The following SYT7 variants were observed in gnomAD, a reference collection of about 807,000 sequenced individuals.
The protein encoded by SYT7 is synaptotagmin 7, also known as synaptotagmin-7.
SYT7 carries 29 observed loss-of-function variants against 75.1 expected under a neutral mutation model. That is an observed-to-expected ratio of 0.39 (90% CI 0.29 to 0.53). SYT7 has a LOEUF of 0.53. Ranked by LOEUF, SYT7 falls within the 20% of genes least tolerant of loss-of-function variation. The pLI is 0.77. For synonymous variants in SYT7, 376 were observed against 401.7 expected (o/e 0.94, Z 0.76); for missense variants, 693 against 953.2 (o/e 0.73, Z 3.59).
intron 1 of SYT7, among the ~76,000 whole-genome samples, chr11:61,562,023 C>A (rs1464042272): frequency 2.6e-5 from 4 of 151,272 alleles, no homozygotes; most frequent in Admixed American, 1.3e-4. Flanking sequence ...CGCGCATGCA[C>A]ACACACATGC....
At chr11:61,563,402 A>G (rs1471003166) in intron 1 of SYT7, among the ~76,000 whole-genome samples, 1 of 152,212 alleles carries the variant, frequency 6.6e-6, no homozygotes, top group Non-Finnish European at 1.5e-5. Context: ...ATCAAATAAT[A>G]GCTAACATTA....
At chr11:61,570,237 G>A (rs2063885901) in intron 1 of SYT7, among the ~76,000 whole-genome samples, 1 of 152,202 alleles carries the variant, frequency 6.6e-6, no homozygotes, top group Non-Finnish European at 1.5e-5. Flanking sequence ...GCAACAACAG[G>A]AGACAAAGAC....
intron 7 of SYT7, among the ~76,000 whole-genome samples, chr11:61,535,783 T>C (rs1216419519): frequency 6.6e-6 from 1 of 152,054 alleles, no homozygotes; most frequent in Admixed American, 6.5e-5. Flanking sequence ...TCCTCCCCGG[T>C]GACAGCCAAG....
At chr11:61,568,452 G>C (rs895901848) in intron 1 of SYT7, among the ~76,000 whole-genome samples, 2 of 152,222 alleles carry the variant, frequency 1.3e-5, no homozygotes, top group African/African-American at 4.8e-5. Context: ...ACTGTGCTAA[G>C]AGCTGTGCAA....
chr11:61,575,251 C>T (rs2064039383), intron 1 of SYT7, among the ~76,000 whole-genome samples: 1 of 152,162 alleles, frequency 6.6e-6, no homozygotes, highest in African/African-American at 2.4e-5. Context: ...AGCCACCAGC[C>T]TTCTGCACTC....
intron 12 of SYT7, among the ~76,000 whole-genome samples, chr11:61,520,403 G>A (rs1368229182): frequency 6.6e-6 from 1 of 152,026 alleles, no homozygotes; most frequent in Non-Finnish European, 1.5e-5. Context: ...GTACGTGCCT[G>A]GAGTCCCAGC....
chr11:61,547,033 G>T, intron 4 of SYT7, 144 bp downstream of exon 4: 1 of 1,076,396 alleles, frequency 9.3e-7, no homozygotes, highest in Non-Finnish European at 1.3e-6. Flanking sequence ...CCTGCCCATG[G>T]GGTGGATGGG....
rs1020295480 is a variant in SYT7, at chr11:61,576,417, C to T, written c.31+4373G>A. 6.6e-6 allele frequency among the ~76,000 whole-genome samples: 1 copy of T among 152,226 alleles called. No homozygotes were observed. Among genetic ancestry groups the T allele is most frequent in the Non-Finnish European group, 1.5e-5 (1 of 68,034 alleles). On this transcript the variant is annotated intron_variant, in intron 1 of 12. Coordinates refer to ENST00000539008, the MANE Select transcript of SYT7 (RefSeq NM_001365809.2). This position sits in a 1 kb window ranked among gnomAD's most constrained non-coding sequence, Gnocchi z 4.1. ...CGAGAGAAAGTTGACCTCTCGGCCA[C>T]ATATGCCACCTGCCGGGCACTGTCT...
At chr11:61,541,118 G>C (rs1398918133) in intron 6 of SYT7, 2 of 985,418 alleles carry the variant, frequency 2.0e-6, no homozygotes, top group East Asian at 1.1e-4. Flanking sequence ...AGCCCTGGCT[G>C]AGGTCTCAGA....
chr11:61,527,601 C>T (rs901889570), intron 9 of SYT7, among the ~76,000 whole-genome samples: 13 of 152,220 alleles, frequency 8.5e-5, no homozygotes, highest in Admixed American at 1.3e-4. Context: ...CTTCCCTCCT[C>T]GGCCTCTGGC....
At chr11:61,544,508 C>A (rs1355586548) in intron 5 of SYT7, among the ~76,000 whole-genome samples, 1 of 152,204 alleles carries the variant, frequency 6.6e-6, no homozygotes, top group Non-Finnish European at 1.5e-5. Context: ...CCTCCAGGGG[C>A]CGGCCCAGGC....
chr11:61,533,131 G>A lies in SYT7; in HGVS notation c.1065-7C>T. On this transcript the variant is annotated splice_polypyrimidine_tract_variant and splice_region_variant and intron_variant, in intron 7 of 12. Coordinates refer to ENST00000539008, the MANE Select transcript of SYT7 (RefSeq NM_001365809.2). ...CTTCCCTCCTGCAGGCAACCTGAGG[G>A]CAGGGGAGTCCAAATGAGATTGGGC... 3.8e-6 allele frequency: 6 copies of A among 1,583,402 alleles called. No individual in the cohort carries two copies. The highest frequency in any genetic ancestry group is 5.1e-6 in the Non-Finnish European group (6 of 1,165,732).
chr11:61,552,500 G>A (rs1485053457), intron 2 of SYT7, among the ~76,000 whole-genome samples: 1 of 152,006 alleles, frequency 6.6e-6, no homozygotes, highest in Non-Finnish European at 1.5e-5. Context: ...ACACACACGT[G>A]CGCGCACAAA....
At chr11:61,534,607 G>A (rs987724424) in intron 7 of SYT7, among the ~76,000 whole-genome samples, 1 of 152,216 alleles carries the variant, frequency 6.6e-6, no homozygotes, top group African/African-American at 2.4e-5. Flanking sequence ...GAGAGGAGAT[G>A]CACTGGGGAG....
chr11:61,570,192 C>A (rs149854839), intron 1 of SYT7, among the ~76,000 whole-genome samples: 132 of 152,344 alleles, frequency 8.7e-4, no homozygotes, highest in African/African-American at 2.9e-3. Context: ...GGGGCTAAGT[C>A]CTACTGGTGG....
At chr11:61,550,848 C>T (rs931114223) in intron 3 of SYT7, among the ~76,000 whole-genome samples, 2 of 152,162 alleles carry the variant, frequency 1.3e-5, no homozygotes, top group African/African-American at 2.4e-5. Flanking sequence ...AGACACACAG[C>T]GGCCGGTGGG....
chr11:61,587,838 G>T, the SYT7 span, among the ~76,000 whole-genome samples: 1 of 152,122 alleles, frequency 6.6e-6, no homozygotes, highest in African/African-American at 2.4e-5. Flanking sequence ...GGGTGCCGCG[G>T]AGCCCGCGTG....
chr11:61,548,442 G>A (rs935676773), intron 3 of SYT7, among the ~76,000 whole-genome samples: 5 of 152,218 alleles, frequency 3.3e-5, no homozygotes, highest in African/African-American at 7.2e-5. Flanking sequence ...CCAAGGACAA[G>A]GGGCGCCACC....
At position 61,553,181 on chromosome 11, in the gene SYT7, T is replaced by C. The variant is rs1565194764; in HGVS notation, c.136-1718A>G. ...CTCCAACTCCGATCCCTCCCATCAC[T>C]ACCCAGAGGTCCAAATCTCAAACAA... On this transcript the variant is annotated intron_variant, in intron 2 of 12. Coordinates refer to ENST00000539008, the MANE Select transcript of SYT7 (RefSeq NM_001365809.2). This position sits in a 1 kb window ranked among gnomAD's most constrained non-coding sequence, Gnocchi z 5.2. 6.6e-6 allele frequency among the ~76,000 whole-genome samples: 1 copy of C among 152,180 alleles called. No homozygotes were observed. The highest frequency in any genetic ancestry group is 1.5e-5 in the Non-Finnish European group (1 of 68,018).
Sources: gnomAD v4.1 joint callset for allele counts (sites outside exome capture counted in the v4.1 genomes callset) on GRCh38, gnomAD v4.1.1 for gene constraint, Gnocchi (gnomAD v3.1) non-coding constraint, MANE v1.5 for transcripts, NCBI Gene and HGNC (gene_info 2026-07-23, HGNC 2026-07-21) for gene names.